The following SLC12A8 variants were observed in gnomAD, a reference collection of about 807,000 sequenced individuals.
SLC12A8 encodes the protein solute carrier family 12 member 8.
A neutral mutation model predicts 75.6 loss-of-function variants in SLC12A8; 69 were observed. That is an observed-to-expected ratio of 0.91 (90% confidence interval 0.75 to 1.11). The LOEUF (loss-of-function observed/expected upper bound fraction) is 1.11. Ranked by LOEUF, SLC12A8 falls within the 50% of genes most tolerant of loss-of-function variation. The probability of loss-of-function intolerance (pLI) is 0.00; values close to 1 mark genes in which losing one functional copy is unlikely to be tolerated. For missense variants in SLC12A8, 877 were observed against 896.7 expected (o/e 0.98, Z 0.28); for synonymous variants, 365 against 372.8 (o/e 0.98, Z 0.24).
intron 2 of SLC12A8, among the ~76,000 whole-genome samples, chr3:125,196,344 C>G (rs1027811892): frequency 5.3e-5 from 8 of 152,154 alleles, no homozygotes; most frequent in Non-Finnish European, 5.9e-5. Flanking sequence ...AAAATAACTG[C>G]AATTAATATT....
intron 5 of SLC12A8, among the ~76,000 whole-genome samples, chr3:125,141,530 C>G (rs1560065674): frequency 2.0e-5 from 3 of 152,192 alleles, no homozygotes; most frequent in Admixed American, 2.0e-4. Context: ...CTGCGGTGCC[C>G]CCGACATCCC....
intron 1 of SLC12A8, among the ~76,000 whole-genome samples, chr3:125,211,703 T>A (rs1175765264): frequency 1.3e-5 from 2 of 152,106 alleles, no homozygotes; most frequent in Admixed American, 1.3e-4. Context: ...TGCCCAGCCC[T>A]TGAGGACACA....
chr3:125,084,750 G>A (rs1358470155), intron 13 of SLC12A8, among the ~76,000 whole-genome samples: 1 of 151,148 alleles, frequency 6.6e-6, no homozygotes, highest in East Asian at 1.9e-4. Flanking sequence ...CCCAGTCACA[G>A]CTCCATCCCT....
chr3:125,113,865 G>A (rs570891057), intron 8 of SLC12A8, among the ~76,000 whole-genome samples: 4 of 152,024 alleles, frequency 2.6e-5, no homozygotes, highest in South Asian at 4.2e-4. Flanking sequence ...CTTGAGCTTC[G>A]GTCATTGAGG....
Position 125,198,878 on chromosome 3 carries a change from T to C in SLC12A8, c.52-8357A>G, listed in dbSNP as rs902299056. Among the ~76,000 whole-genome samples the C allele has an allele frequency of 4.0e-5, 6 of 151,670 alleles. No homozygotes were observed. The South Asian group carries it at 8.3e-4, about 21-fold the overall frequency. ...CTGCAAGCTCCACCTCTCGAGTTCA[T>C]GCCATTCCCCTGCCTCAGCCTCCCC... is the stretch of plus-strand genomic sequence containing the variant. On this transcript the variant is annotated intron_variant, in intron 2 of 13. Transcript: ENST00000469902.
At chr3:125,119,917 C>T in intron 7 of SLC12A8, 1 of 456,626 alleles carries the variant, frequency 2.2e-6, no homozygotes, top group African/African-American at 2.0e-5. Flanking sequence ...AAACAATATT[C>T]TAAAAGGTCA....
intron 9 of SLC12A8, among the ~76,000 whole-genome samples, chr3:125,108,879 T>C (rs1339337675): frequency 1.3e-5 from 2 of 152,148 alleles, no homozygotes; most frequent in South Asian, 2.1e-4. Context: ...TGACACTGAG[T>C]ATCCGCAAAT....
At chr3:125,141,737 T>G (rs1933644827) in intron 5 of SLC12A8, among the ~76,000 whole-genome samples, 1 of 151,982 alleles carries the variant, frequency 6.6e-6, no homozygotes, top group South Asian at 2.1e-4. Flanking sequence ...GGCGGCGCTC[T>G]CTTCTGGGTC....
intron 3 of SLC12A8, among the ~76,000 whole-genome samples, chr3:125,189,846 C>T (rs1934872963): frequency 6.6e-6 from 1 of 152,122 alleles, no homozygotes; most frequent in Non-Finnish European, 1.5e-5. Flanking sequence ...GCCTTTTGTT[C>T]CTTCTACAGG....
At chr3:125,161,993 C>T (rs1934185844) in intron 5 of SLC12A8, among the ~76,000 whole-genome samples, 1 of 152,244 alleles carries the variant, frequency 6.6e-6, no homozygotes, top group Non-Finnish European at 1.5e-5. Context: ...GCTGGCCCCA[C>T]CCTGGGCTGG....
intron 6 of SLC12A8, among the ~76,000 whole-genome samples, chr3:125,123,864 G>T (rs1933124943): frequency 6.6e-6 from 1 of 152,144 alleles, no homozygotes; most frequent in Admixed American, 6.5e-5. Flanking sequence ...CAGTTTGTCA[G>T]GTCATTTTGT....
intron 6 of SLC12A8, among the ~76,000 whole-genome samples, chr3:125,127,767 G>T (rs145432205): frequency 2.6e-4 from 39 of 151,994 alleles, no homozygotes; most frequent in Non-Finnish European, 4.0e-4. Context: ...AAGTATTGTC[G>T]ATATTTATAA....
intron 5 of SLC12A8, among the ~76,000 whole-genome samples, chr3:125,157,499 A>G (rs1035139399): frequency 1.3e-5 from 2 of 152,146 alleles, no homozygotes; most frequent in African/African-American, 4.8e-5. Flanking sequence ...GCTTTGAAGC[A>G]CCATCACCTC....
intron 2 of SLC12A8, among the ~76,000 whole-genome samples, chr3:125,206,145 T>C (rs908831360): frequency 3.3e-5 from 5 of 152,268 alleles, no homozygotes; most frequent in South Asian, 2.1e-4. Context: ...AAAACAGCCC[T>C]GAAAAATGCA....
chr3:125,105,186 T>C (rs376900281), intron 10 of SLC12A8, among the ~76,000 whole-genome samples: 1 of 148,566 alleles, frequency 6.7e-6, no homozygotes, highest in East Asian at 2.0e-4. Context: ...TAGAGAACCA[T>C]TTAAGAAGAT....
chr3:125,134,952 C>A (rs1164788003), intron 6 of SLC12A8, among the ~76,000 whole-genome samples: 2 of 152,222 alleles, frequency 1.3e-5, no homozygotes, highest in East Asian at 3.8e-4. Context: ...TCCCTGGGGA[C>A]AAGCCCAGTC....
At chr3:125,113,331 A>T (rs944249250) in intron 8 of SLC12A8, among the ~76,000 whole-genome samples, 7 of 152,248 alleles carry the variant, frequency 4.6e-5, no homozygotes, top group African/African-American at 1.4e-4. Context: ...TTAAAAAAAT[A>T]TAAAACTATT....
chr3:125,142,004 G>C (rs1259981391), intron 5 of SLC12A8, among the ~76,000 whole-genome samples: 2 of 152,192 alleles, frequency 1.3e-5, no homozygotes, highest in Non-Finnish European at 2.9e-5. Flanking sequence ...GACTGCGCGA[G>C]GCTCCTCAGC....
intron 4 of SLC12A8, among the ~76,000 whole-genome samples, chr3:125,181,607 C>CAAAAAAAAAAAAA (rs67602083): frequency 1.5e-5 from 1 of 67,608 alleles, no homozygotes; most frequent in Non-Finnish European, 2.6e-5. Flanking sequence ...GACTCCGTCT[C>CAAAAAAAAAAAAA]AAAAAAAAAA....
Sources: allele counts gnomAD v4.1 joint callset (sites outside exome capture counted in the v4.1 genomes callset), GRCh38; gene constraint gnomAD v4.1.1; transcripts MANE v1.5; gene names NCBI Gene and HGNC (gene_info 2026-07-23, HGNC 2026-07-21).